MRO: variants seen among roughly 807,000 people sequenced by gnomAD.
MRO encodes the protein maestro.
Under a neutral mutation model 31.0 loss-of-function variants are expected in MRO, and 28 were observed. That is an observed-to-expected ratio of 0.90 (90% CI 0.67 to 1.24). The LOEUF (loss-of-function observed/expected upper bound fraction) is 1.24. MRO is among the 50% of genes most tolerant of loss of function. The pLI is 0.00. For missense variants in MRO, 332 were observed against 289.2 expected (o/e 1.15, Z -1.07); for synonymous variants, 108 against 108.4 (o/e 1.00, Z 0.02).
intron 2 of MRO, among the ~76,000 whole-genome samples, chr18:50,817,125 A>T (rs891890975): frequency 4.6e-5 from 7 of 152,166 alleles, no homozygotes; most frequent in African/African-American, 7.2e-5. Flanking sequence ...CACCTGGAAG[A>T]TTCGATCTGT....
chr18:50,814,706 G>C (rs572221647), intron 2 of MRO: 1 of 172,792 alleles, frequency 5.8e-6, no homozygotes, highest in East Asian at 1.6e-4. Context: ...AAGTAATAAG[G>C]AAGAGACAGA....
chr18:50,800,040 T>C lies in MRO; in HGVS notation c.689A>G (p.Gln230Arg). ...CTCCTACCCTGGCTCACTCACCAGC[T>C]GCTGGTAGAGCTTAGTGTTCCTTTG... ...EDQRNTKLYQ[Q>R]LSHYHPEILQ... Residue 230 changes from glutamine (Q) to arginine (R), a missense_variant, in exon 7 of 8, where the codon CAG becomes CGG. Gln to Arg is a conservative substitution (Grantham distance 43, BLOSUM62 1). Coordinates refer to ENST00000398439, the MANE Select transcript of MRO (RefSeq NM_031939.6). The C allele has an allele frequency of 6.2e-7, 1 of 1,611,072 alleles. No homozygotes were observed. Among genetic ancestry groups the C allele is most frequent in the Non-Finnish European group, 8.5e-7 (1 of 1,177,466 alleles).
At chr18:50,824,348 G>A (rs924330982), upstream of MRO, among the ~76,000 whole-genome samples, 6 of 152,086 alleles carry the variant, frequency 3.9e-5, no homozygotes, top group African/African-American at 1.4e-4. Flanking sequence ...GGCTAAGGCA[G>A]GAGGATTGCT....
In MRO at chr18:50,796,850, C is replaced by T. The variant is rs868417924; in HGVS notation, c.*2487G>A. On this transcript the variant is annotated 3_prime_UTR_variant, in exon 8 of 8. Transcript: ENST00000398439. ...AATGTTCCTTAATCACATGGCCAGG[C>T]TCTGTGGTAGGTATGGTGAGAAACA... 1 of 152,172 alleles carries T rather than the reference C, an allele frequency of 6.6e-6. No homozygotes were observed. The highest frequency in any genetic ancestry group is 1.5e-5 in the Non-Finnish European group (1 of 68,030). The allele number at this position is 152,172 out of a possible 1,614,324, so 9.4% of individuals were successfully genotyped here.
At chr18:50,824,381 A>C (rs1915421958), upstream of MRO, among the ~76,000 whole-genome samples, 1 of 151,970 alleles carries the variant, frequency 6.6e-6, no homozygotes, top group Admixed American at 6.6e-5. Flanking sequence ...GTCAAGGCTA[A>C]AGTAAGCCAT....
In MRO at chr18:50,805,183, T is replaced by C. The variant is rs2849233; in HGVS notation, c.400A>G (p.Thr134Ala). 625,035 of 1,608,012 alleles carry C rather than the reference T, an allele frequency of 0.39. 126,905 individuals are homozygous for C. Among genetic ancestry groups the C allele is most frequent in the Non-Finnish European group, 0.42 (490,415 of 1,174,404 alleles). ...TCTAATAAAGTCCTGGTCTGAAGGG[T>C]GATATCTATGAAGAAGGAACCCAAA... Reference protein sequence around the residue: ...KGLGSFFIDITLQTRTLLDDE... With the variant: ...KGLGSFFIDIALQTRTLLDDE... The change falls in exon 5 of 8, where the codon ACC (threonine) becomes GCC (alanine). Residue 134 changes from threonine (T) to alanine (A), a missense_variant. By Grantham distance (58) the Thr-to-Ala change is moderately conservative (BLOSUM62 0). Coordinates refer to ENST00000398439, the MANE Select transcript of MRO (RefSeq NM_031939.6).
At chr18:50,813,481 C>T (rs778439923) in intron 2 of MRO, among the ~76,000 whole-genome samples, 26 of 152,232 alleles carry the variant, frequency 1.7e-4, no homozygotes, top group Admixed American at 7.9e-4. Context: ...TTAAAACACA[C>T]ATTCCCAGGC....
At chr18:50,803,170 A>G (rs777219182) in intron 5 of MRO, among the ~76,000 whole-genome samples, 8 of 152,234 alleles carry the variant, frequency 5.3e-5, no homozygotes, top group South Asian at 2.1e-4. Context: ...GTGTTTCTAC[A>G]TGGCCGGGGA....
At position 50,806,359 on chromosome 18, in the gene MRO, CA is replaced by C. The variant is rs1327105962; in HGVS notation, c.246+344del. The stretch of plus-strand genomic sequence containing the variant: ...AAAGTGGCCCCCGGCATACAGCAGG[CA>C]AAAAAACAGAAACCTCTGTCCCACA... On this transcript the variant is annotated intron_variant, in intron 4 of 7. Coordinates refer to ENST00000398439, the MANE Select transcript of MRO (RefSeq NM_031939.6). Among the ~76,000 whole-genome samples the C allele has an allele frequency of 3.3e-5, 5 of 152,018 alleles. No individual in the cohort carries two copies. The East Asian group carries it at 7.7e-4, about 24-fold the overall frequency.
chr18:50,812,212 A>T (rs1202311183), intron 2 of MRO, among the ~76,000 whole-genome samples: 1 of 152,204 alleles, frequency 6.6e-6, no homozygotes, highest in African/African-American at 2.4e-5. Context: ...CCATGTTAGT[A>T]GGTATGAAGT....
chr18:50,817,665 A>G (rs928126763), intron 2 of MRO, among the ~76,000 whole-genome samples: 2 of 152,112 alleles, frequency 1.3e-5, no homozygotes, highest in African/African-American at 4.8e-5. Flanking sequence ...AAATTAAATA[A>G]AGCTAATCCG....
At chr18:50,813,046 C>G (rs1914599479) in intron 2 of MRO, among the ~76,000 whole-genome samples, 1 of 152,186 alleles carries the variant, frequency 6.6e-6, no homozygotes, top group South Asian at 2.1e-4. Context: ...ACACACTCCT[C>G]TCTGATGCAA....
At chr18:50,808,830 A>T (rs138936014) in intron 3 of MRO, among the ~76,000 whole-genome samples, 53 of 151,794 alleles carry the variant, frequency 3.5e-4, no homozygotes, top group African/African-American at 1.1e-3. Context: ...TCCTGTAAAC[A>T]TCCTATCCAT....
rs2144577009 is a variant in MRO at position 50,800,029 on chromosome 18, C to T, written c.693+7G>A. The T allele has an allele frequency of 6.2e-7, 1 of 1,601,046 alleles. No homozygotes were observed. Among genetic ancestry groups the T allele is most frequent in the East Asian group, 2.2e-5 (1 of 44,798 alleles). On this transcript the variant is annotated splice_region_variant and intron_variant, in intron 7 of 7. Transcript: ENST00000398439. ...AAAAGAATTCTCTCCTACCCTGGCT[C>T]ACTCACCAGCTGCTGGTAGAGCTTA... is the stretch of plus-strand genomic sequence containing the variant.
At chr18:50,809,731 TAC>T (rs1238751534) in intron 2 of MRO, among the ~76,000 whole-genome samples, 3 of 152,178 alleles carry the variant, frequency 2.0e-5, no homozygotes, top group Non-Finnish European at 4.4e-5. Context: ...TGAATTGAAA[TAC>T]AGAGTAGCCT....
At chr18:50,814,466 G>A (rs192688148) in intron 2 of MRO, 45 of 169,580 alleles carry the variant, frequency 2.7e-4, no homozygotes, top group Admixed American at 3.5e-4. Context: ...ACAGAGGCCC[G>A]TTTAAGAGAC....
upstream of MRO, chr18:50,820,070 T>A: frequency 9.5e-7 from 1 of 1,053,010 alleles, no homozygotes; most frequent in East Asian, 2.6e-5. Flanking sequence ...CCGTTCCCCA[T>A]GCGGCCGCGA....
chr18:50,806,613 A>G, intron 4 of MRO, 91 bp downstream of exon 4: 1 of 1,479,914 alleles, frequency 6.8e-7, no homozygotes, highest in Non-Finnish European at 9.3e-7. Context: ...TAACTAATAC[A>G]ACAGACACCA....
chr18:50,803,688 G>A (rs1300050941), intron 5 of MRO, among the ~76,000 whole-genome samples: 1 of 152,192 alleles, frequency 6.6e-6, no homozygotes, highest in East Asian at 1.9e-4. Flanking sequence ...AAATCCCTCT[G>A]TGTCTCTGGA....
Sources: allele counts gnomAD v4.1 joint callset (sites outside exome capture counted in the v4.1 genomes callset), GRCh38; gene constraint gnomAD v4.1.1; transcripts MANE v1.5; gene names NCBI Gene and HGNC (gene_info 2026-07-23, HGNC 2026-07-21).